Variants in NSUN7 observed in about 807,000 individuals in gnomAD.
NSUN7 encodes NOP2/Sun RNA methyltransferase family member 7, also known as protein NSUN7.
A neutral mutation model predicts 58.5 loss-of-function variants in NSUN7; 39 were observed. That is an observed-to-expected ratio of 0.67 (90% CI 0.52 to 0.87). The LOEUF (loss-of-function observed/expected upper bound fraction) is 0.87, where lower values mean the gene tolerates loss of function less well. NSUN7 is among the 40% of genes least tolerant of loss of function. The pLI, the probability that NSUN7 is intolerant of heterozygous loss-of-function variation, is 0.00. For synonymous variants in NSUN7, 278 were observed against 303.7 expected, an observed-to-expected ratio of 0.92 and a Z score of 0.88; for missense variants, 765 against 844.1, an observed-to-expected ratio of 0.91 and a Z score of 1.16.
intron 7 of NSUN7, among the ~76,000 whole-genome samples, chr4:40,787,922 C>T (rs1344769630): frequency 6.6e-6 from 1 of 152,186 alleles, no homozygotes; most frequent in African/African-American, 2.4e-5. Context: ...GCAACCTCCA[C>T]CTCCCAGGTT....
intron 2 of NSUN7, among the ~76,000 whole-genome samples, chr4:40,756,862 A>G (rs1018957872): frequency 1.3e-5 from 2 of 152,184 alleles, no homozygotes; most frequent in African/African-American, 4.8e-5. Context: ...ATACACATTC[A>G]GTAGAAACCA....
At chr4:40,801,725 T>A (rs2465574) in intron 10 of NSUN7, among the ~76,000 whole-genome samples, 1 of 151,672 alleles carries the variant, frequency 6.6e-6, no homozygotes, top group African/African-American at 2.4e-5. Context: ...TGGTGAAACC[T>A]CATCTCTACA....
chr4:40,775,112 T>A lies in NSUN7; in HGVS notation c.825+162T>A. The A allele has an allele frequency of 2.5e-6, 1 of 397,106 alleles. No individual in the cohort carries two copies. Among genetic ancestry groups the A allele is most frequent in the Non-Finnish European group, 4.5e-6 (1 of 221,128 alleles). The allele number at this position is 397,106 out of a possible 1,614,324, so 24.6% of individuals were successfully genotyped here. ...TTGAATAAAATTAATACCTCTACAATCAGTGCATCTGGTTGGCGTCTTTGT... is the reference window on the plus strand; with the variant it reads ...TTGAATAAAATTAATACCTCTACAAACAGTGCATCTGGTTGGCGTCTTTGT... On this transcript the variant is annotated intron_variant, in intron 6 of 11. Coordinates refer to ENST00000381782, the MANE Select transcript of NSUN7 (RefSeq NM_024677.6). The surrounding 1 kb of genome is among the most constrained non-coding windows in gnomAD (Gnocchi z 4.3).
chr4:40,756,023 C>T (rs750479348), intron 2 of NSUN7, among the ~76,000 whole-genome samples: 28 of 152,142 alleles, frequency 1.8e-4, no homozygotes, highest in South Asian at 1.0e-3. Flanking sequence ...GGCTGGCTGA[C>T]CTTAGTTATT....
chr4:40,784,736 C>A (rs1418152591), intron 7 of NSUN7, among the ~76,000 whole-genome samples: 1 of 152,124 alleles, frequency 6.6e-6, no homozygotes, highest in East Asian at 1.9e-4. Flanking sequence ...TGAATGTACT[C>A]AAAAGAACCC....
chr4:40,801,363 T>A (rs1166622243), intron 10 of NSUN7, among the ~76,000 whole-genome samples: 5 of 152,216 alleles, frequency 3.3e-5, no homozygotes, highest in Admixed American at 1.3e-4. Context: ...TTGAATATAT[T>A]AACACACGAG....
rs199617860 is a variant in NSUN7, at chr4:40,750,859, G to A, written c.166G>A (p.Gly56Ser). The A allele has an allele frequency of 2.6e-4, 418 of 1,614,070 alleles. 1 individual carries two copies. The highest frequency in any genetic ancestry group is 3.0e-4 in the Non-Finnish European group (351 of 1,180,056). The change falls in exon 2 of 12, where the codon GGT becomes AGT. Residue 56 changes from glycine (G) to serine (S), a missense_variant. Coordinates refer to ENST00000381782, the MANE Select transcript of NSUN7 (RefSeq NM_024677.6). ...TGTCATGGCAGCCAACATTTTTCAG[G>A]GTATTCGAATCGAAAAGTCGGCACA... Reference protein sequence around the residue: ...VYVMAANIFQGIRIEKSAQKV... With the variant: ...VYVMAANIFQSIRIEKSAQKV...
intron 4 of NSUN7, among the ~76,000 whole-genome samples, chr4:40,769,324 T>C (rs1165423025): frequency 2.6e-5 from 4 of 152,224 alleles, no homozygotes; most frequent in South Asian, 2.1e-4. Context: ...TGGATCAGTC[T>C]TCCCCTTCTA....
rs763357014 is a variant in NSUN7, at chr4:40,776,113, T to C, written c.890T>C (p.Leu297Ser). The C allele has an allele frequency of 1.2e-6, 2 of 1,609,556 alleles. No individual in the cohort carries two copies. Among genetic ancestry groups the C allele is most frequent in the Admixed American group, 3.4e-5 (2 of 59,424 alleles). Reference sequence around the variant, plus strand: ...TTATTAAATATGGATGATGATGTCTTAATGGTCAATACAGGCTCATGGTAC... The same window carrying C: ...TTATTAAATATGGATGATGATGTCTCAATGGTCAATACAGGCTCATGGTAC... The part of the protein sequence containing the change: ...KALLNMDDDV[L>S]MVNTGSWYTV... The change falls in exon 7 of 12, where the codon TTA becomes TCA. Residue 297 changes from leucine to serine, a missense_variant. Leu to Ser is a moderately radical substitution (Grantham distance 145). Coordinates refer to ENST00000381782, the MANE Select transcript of NSUN7 (RefSeq NM_024677.6).
At chr4:40,799,109 G>A (rs1468682544) in intron 10 of NSUN7, among the ~76,000 whole-genome samples, 4 of 54,992 alleles carry the variant, frequency 7.3e-5, no homozygotes, top group African/African-American at 2.0e-4. Context: ...TTTTAAAGAT[G>A]GAATCTTGCT....
chr4:40,787,346 TA>T (rs907881407), intron 7 of NSUN7, among the ~76,000 whole-genome samples: 20 of 143,820 alleles, frequency 1.4e-4, no homozygotes, highest in Admixed American at 8.9e-4. Context: ...AATAAAAAAA[TA>T]AAAAAAGTGA....
intron 2 of NSUN7, among the ~76,000 whole-genome samples, chr4:40,753,403 G>C (rs1740935908): frequency 6.6e-6 from 1 of 151,582 alleles, no homozygotes; most frequent in Admixed American, 6.6e-5. Context: ...AGTCTCCCAA[G>C]TAGCTCCCAA....
chr4:40,790,672 G>C lies in NSUN7; in HGVS notation c.1107G>C (p.Val369=). The C allele has an allele frequency of 6.2e-7, 1 of 1,603,114 alleles. No individual in the cohort carries two copies. Among genetic ancestry groups the C allele is most frequent in the Non-Finnish European group, 8.5e-7 (1 of 1,173,804 alleles). ...SKDHRLQKVK[V]ILLLPRCSGL... is the part of the protein sequence containing the mutation. ...ATCACAGGTTACAGAAAGTTAAAGT[G>C]ATTTTGCTGCTACCTCGTTGTTCAG... The change falls in exon 8 of 12, where the codon GTG becomes GTC. Residue 369 remains valine, a synonymous_variant. Coordinates refer to ENST00000381782, the MANE Select transcript of NSUN7 (RefSeq NM_024677.6).
intron 5 of NSUN7, 89 bp downstream of exon 5, chr4:40,774,506 G>A (rs1321660783): frequency 1.3e-5 from 17 of 1,327,062 alleles, no homozygotes; most frequent in Non-Finnish European, 1.7e-5. Context: ...AAGAGGTGGG[G>A]GTGGCACATC....
Position 40,776,216 on chromosome 4 carries a change from G to C in NSUN7, c.993G>C (p.Lys331Asn). 1 of 1,610,774 alleles carries C rather than the reference G, an allele frequency of 6.2e-7. No homozygotes were observed. The highest frequency in any genetic ancestry group is 8.5e-7 in the Non-Finnish European group (1 of 1,179,130). The change falls in exon 7 of 12, where the codon AAG becomes AAC. Residue 331 changes from lysine to asparagine, a missense_variant. Lys to Asn is a moderately conservative substitution (Grantham distance 94). Transcript: ENST00000381782. ...TGTGTGGAGTACAATCACAAGCTAA[G>C]GATCCTGACTTGAAGACCCTTTTCA... ...VFVCGVQSQA[K>N]DPDLKTLFTK...
intron 4 of NSUN7, among the ~76,000 whole-genome samples, chr4:40,769,672 A>T (rs554247315): frequency 6.6e-6 from 1 of 152,172 alleles, no homozygotes; most frequent in African/African-American, 2.4e-5. Context: ...ATTTGCTCAG[A>T]TATATTCTTT....
At chr4:40,792,139 T>C (rs1032413688) in intron 8 of NSUN7, among the ~76,000 whole-genome samples, 3 of 151,996 alleles carry the variant, frequency 2.0e-5, no homozygotes, top group African/African-American at 7.3e-5. Context: ...AGATGAACTT[T>C]AAGAAATAAT....
Position 40,750,708 on chromosome 4 carries a change from G to C in NSUN7, c.15G>C (p.Thr5=), listed in dbSNP as rs141176453. 2.8e-5 allele frequency: 45 copies of C among 1,613,054 alleles called. No individual in the cohort carries two copies. The African/African-American group carries it at 3.9e-4, about 14-fold the overall frequency. The part of the protein sequence containing the change: MLNS[T]GELEFSNEED... ...GAGGGGCAGACATGCTGAATTCCACGGGCGAACTGGAGTTTTCGAACGAAG... is the reference window on the plus strand; with the variant it reads ...GAGGGGCAGACATGCTGAATTCCACCGGCGAACTGGAGTTTTCGAACGAAG... The change falls in exon 2 of 12, where the codon ACG becomes ACC. Residue 5 remains threonine (T), a synonymous_variant. Transcript: ENST00000381782.
Position 40,750,913 on chromosome 4 carries a change from C to G in NSUN7, c.220C>G (p.Pro74Ala). The change falls in exon 2 of 12, where the codon CCC becomes GCC. Residue 74 changes from proline to alanine, a missense_variant. Pro to Ala is a conservative substitution (Grantham distance 27). Coordinates refer to ENST00000381782, the MANE Select transcript of NSUN7 (RefSeq NM_024677.6). The stretch of plus-strand genomic sequence containing the variant: ...AGTCTTAATCAAGTATGGGAATGAA[C>G]CCCTGCGGTCCTTGTCCGAGTCTGA... ...QKVLIKYGNE[P>A]LRSLSESEDQ... The G allele has an allele frequency of 1.2e-6, 2 of 1,614,182 alleles. No homozygotes were observed. Among genetic ancestry groups the G allele is most frequent in the Non-Finnish European group, 1.7e-6 (2 of 1,180,038 alleles).
Sources: gnomAD v4.1 joint callset for allele counts (sites outside exome capture counted in the v4.1 genomes callset) on GRCh38, gnomAD v4.1.1 for gene constraint, Gnocchi (gnomAD v3.1) non-coding constraint, MANE v1.5 for transcripts, NCBI Gene and HGNC (gene_info 2026-07-23, HGNC 2026-07-21) for gene names.